Variants in NAGPA observed in about 807,000 individuals in gnomAD.
The protein encoded by NAGPA is alpha-N-acetylglucosaminyl phosphodiesterase.
In NAGPA, 56 loss-of-function variants were observed where a neutral mutation model predicts 48.5. The ratio of observed to expected loss-of-function variants is 1.15; its 90% CI spans 0.93 to 1.44. The LOEUF is 1.44. Ranked by LOEUF, NAGPA falls within the 40% of genes most tolerant of loss-of-function variation. NAGPA has a pLI of 0.00. For missense variants in NAGPA, 888 were observed against 735.0 expected (o/e 1.21, Z -2.41); for synonymous variants, 399 against 315.5 (o/e 1.26, Z -2.81).
rs1955977420 is a variant in NAGPA, at chr16:5,025,398, G to A, written c.*80C>T. The A allele has an allele frequency of 6.5e-7, 1 of 1,540,920 alleles. No homozygotes were observed. The highest frequency in any genetic ancestry group is 1.7e-5 in the Admixed American group (1 of 59,202). On this transcript the variant is annotated 3_prime_UTR_variant, in exon 10 of 10. Transcript: ENST00000312251. ...GGACACCCAGATGGTCCACGCCAGT[G>A]GCCTTGAAATTTCCCCTGCAGAAGC... is the stretch of plus-strand genomic sequence containing the variant.
At position 5,025,392 on chromosome 16, in the gene NAGPA, G is replaced by A. The variant is rs1386050632; in HGVS notation, c.*86C>T. The A allele has an allele frequency of 3.3e-6, 5 of 1,515,010 alleles. No homozygotes were observed. The highest frequency in any genetic ancestry group is 1.4e-5 in the African/African-American group (1 of 72,866). 93.8% of individuals were successfully genotyped at this position (1,515,010 alleles called of 1,614,324 possible). On this transcript the variant is annotated 3_prime_UTR_variant, in exon 10 of 10. Coordinates refer to ENST00000312251, the MANE Select transcript of NAGPA (RefSeq NM_016256.4). The stretch of plus-strand genomic sequence containing the variant: ...GGCTGAGGACACCCAGATGGTCCAC[G>A]CCAGTGGCCTTGAAATTTCCCCTGC...
chr16:5,027,216 C>A lies in NAGPA; in HGVS notation c.1277-18G>T. ...CTGCTTTACTGTAACATACCAGAGA[C>A]AGGCTGAAGGGGCCGGAGCAGGAGC... On this transcript the variant is annotated intron_variant, in intron 8 of 9. Transcript: ENST00000312251. 6.2e-7 allele frequency: 1 copy of A among 1,614,244 alleles called. No homozygotes were observed. Among genetic ancestry groups the A allele is most frequent in the Non-Finnish European group, 8.5e-7 (1 of 1,180,042 alleles).
intron 7 of NAGPA, 33 bp downstream of exon 7, chr16:5,027,813 C>A: frequency 6.4e-7 from 1 of 1,551,924 alleles, no homozygotes; most frequent in Non-Finnish European, 8.7e-7. Context: ...GGGCCACCGT[C>A]TCCCCATCCG....
At chr16:5,030,746 C>A in intron 3 of NAGPA, 1 of 547,548 alleles carries the variant, frequency 1.8e-6, no homozygotes, top group East Asian at 3.2e-5. Context: ...GTTCTTAGAA[C>A]AAAATCCAAA....
At chr16:5,032,968 C>T in intron 2 of NAGPA, 1 of 510,360 alleles carries the variant, frequency 2.0e-6, no homozygotes, top group Non-Finnish European at 3.5e-6. Context: ...ACACAGCAAT[C>T]AGAATGTATG....
chr16:5,033,763 G>C lies in NAGPA; in HGVS notation c.87-35C>G. On this transcript the variant is annotated intron_variant, in intron 1 of 9. Coordinates refer to ENST00000312251, the MANE Select transcript of NAGPA (RefSeq NM_016256.4). This position sits in a 1 kb window ranked among gnomAD's most constrained non-coding sequence, Gnocchi z 4.2. ...CGGGCGGCCGTGAGCTCAGGGGGCT[G>C]TCCTCGTGAGCTCGGAGGACAGGGG... 1 of 1,590,416 alleles carries C rather than the reference G, an allele frequency of 6.3e-7. No individual in the cohort carries two copies. The highest frequency in any genetic ancestry group is 1.1e-5 in the South Asian group (1 of 88,100).
Position 5,032,614 on chromosome 16 carries a change from G to A in NAGPA, c.542+659C>T, listed in dbSNP as rs952890300. ...GAATCGCTTGAACCCGGGAGGCAGA[G>A]GTTGCAGTGAGCCGGTATCATGCCA... On this transcript the variant is annotated intron_variant, in intron 2 of 9. Transcript: ENST00000312251. Among the ~76,000 whole-genome samples the A allele has an allele frequency of 5.3e-5, 8 of 152,160 alleles. No individual in the cohort carries two copies. In the South Asian group the frequency reaches 1.7e-3, roughly 32 times the overall value.
At chr16:5,028,449 G>A (rs547132338) in intron 5 of NAGPA, 4 of 720,854 alleles carry the variant, frequency 5.5e-6, no homozygotes, top group East Asian at 3.0e-5. Flanking sequence ...TGCCCACACT[G>A]GTCTTAAACT....
rs750739860 is a variant in NAGPA at position 5,028,217 on chromosome 16, C to CA, written c.921-33dup. Reference sequence around the variant, plus strand: ...AGGGATGTGATGTGTGAGGAGAGGACACCCCCAGACGGCCCCTCAACTCCC... The same window carrying CA: ...AGGGATGTGATGTGTGAGGAGAGGACAACCCCCAGACGGCCCCTCAACTCCC... On this transcript the variant is annotated intron_variant, in intron 5 of 9. Coordinates refer to ENST00000312251, the MANE Select transcript of NAGPA (RefSeq NM_016256.4). 6 of 1,539,336 alleles carry CA rather than the reference C, an allele frequency of 3.9e-6. No individual in the cohort carries two copies. The South Asian group carries it at 7.2e-5, about 18-fold the overall frequency.
Position 5,033,398 on chromosome 16 carries a change from G to C in NAGPA, c.417C>G (p.Gly139=), listed in dbSNP as rs1160213239. The C allele has an allele frequency of 1.3e-6, 2 of 1,596,488 alleles. No homozygotes were observed. Among genetic ancestry groups the C allele is most frequent in the Non-Finnish European group, 1.7e-6 (2 of 1,179,208 alleles). Residue 139 remains glycine (G), a synonymous_variant, in exon 2 of 10, where the codon GGC becomes GGG. Coordinates refer to ENST00000312251, the MANE Select transcript of NAGPA (RefSeq NM_016256.4). This position sits in a 1 kb window ranked among gnomAD's most constrained non-coding sequence, Gnocchi z 4.2. ...AADCRVAQNG[G]FFRMNSGECL... ...ACTCGCCCGAGTTCATGCGGAAGAA[G>C]CCGCCGTTCTGGGCGACACGGCAGT...
At chr16:5,030,328 A>G (rs1394087811) in intron 4 of NAGPA, 57 bp downstream of exon 4, 18 of 1,476,760 alleles carry the variant, frequency 1.2e-5, no homozygotes, top group Non-Finnish European at 1.7e-5. Flanking sequence ...CATTGGGTCA[A>G]CGTTCCTCCT....
Position 5,033,606 on chromosome 16 carries a change from G to GTCGCGGGAGGCGGAGGCCAACTCTCGTGC in NAGPA, c.180_208dup (p.Thr70SerfsTer35). ...CACGGCCAGACCGCCGGCGCCGGGAGTCGCGGGAGGCGGAGGCCAACTCTC... is the reference window on the plus strand; with the variant it reads ...CACGGCCAGACCGCCGGCGCCGGGAGTCGCGGGAGGCGGAGGCCAACTCTCGTGCTCGCGGGAGGCGGAGGCCAACTCTC... On this transcript the variant is annotated frameshift_variant, in exon 2 of 10. Coordinates refer to ENST00000312251, the MANE Select transcript of NAGPA (RefSeq NM_016256.4). LOFTEE classifies it high-confidence loss of function. The surrounding 1 kb of genome is among the most constrained non-coding windows in gnomAD (Gnocchi z 4.2). 6.7e-7 allele frequency: 1 copy of GTCGCGGGAGGCGGAGGCCAACTCTCGTGC among 1,501,620 alleles called. No individual in the cohort carries two copies. Among genetic ancestry groups the GTCGCGGGAGGCGGAGGCCAACTCTCGTGC allele is most frequent in the Non-Finnish European group, 8.8e-7 (1 of 1,138,036 alleles). 93.0% of individuals were successfully genotyped at this position (1,501,620 alleles called of 1,614,324 possible).
At chr16:5,030,875 C>G (rs1408429675) in intron 3 of NAGPA, among the ~76,000 whole-genome samples, 1 of 152,132 alleles carries the variant, frequency 6.6e-6, no homozygotes, top group Non-Finnish European at 1.5e-5. Flanking sequence ...GTGCTTTTCT[C>G]TAGCTTGCTC....
At chr16:5,031,925 G>A (rs962959174) in intron 2 of NAGPA, 41 bp from the exon 3 acceptor site, 1 of 1,613,296 alleles carries the variant, frequency 6.2e-7, no homozygotes, top group African/African-American at 1.3e-5. Flanking sequence ...ACCAGCAGGG[G>A]CAACTGCAGA....
At chr16:5,027,942 G>C (rs1166045078) in intron 6 of NAGPA, 38 bp downstream of exon 6, 11 of 1,613,538 alleles carry the variant, frequency 6.8e-6, no homozygotes, top group African/African-American at 1.3e-5. Context: ...GGGCAAGGCA[G>C]GGCTGGGCAG....
rs374631385 is a variant in NAGPA, at chr16:5,027,865, G to C, written c.1155C>G (p.Thr385=). ...ETGCRCDAGW[T]GSNCSEECPL... Reference sequence around the variant, plus strand: ...TCCTACCTTCACTGCAGTTGGACCCGGTCCATCCGGCATCACAGCGGCAGC... The same window carrying C: ...TCCTACCTTCACTGCAGTTGGACCCCGTCCATCCGGCATCACAGCGGCAGC... Residue 385 remains threonine (T), a synonymous_variant, in exon 7 of 10, where the codon ACC becomes ACG. Coordinates refer to ENST00000312251, the MANE Select transcript of NAGPA (RefSeq NM_016256.4). 3 of 1,571,950 alleles carry C rather than the reference G, an allele frequency of 1.9e-6. No individual in the cohort carries two copies. Among genetic ancestry groups the C allele is most frequent in the Non-Finnish European group, 2.6e-6 (3 of 1,158,556 alleles).
In NAGPA at chr16:5,033,888, A is replaced by G; in HGVS notation, c.27T>C (p.Leu9=). The change falls in exon 1 of 10, where the codon CTT becomes CTC. Residue 9 remains leucine (L), a synonymous_variant. Coordinates refer to ENST00000312251, the MANE Select transcript of NAGPA (RefSeq NM_016256.4). This position sits in a 1 kb window ranked among gnomAD's most constrained non-coding sequence, Gnocchi z 4.2. ...AGCCGAATAGTGCAAGCCGGAGGAG[A>G]AGCCAGCGACCCGTGGAGGTCGCCA... MATSTGRW[L]LLRLALFGFL... is the part of the protein sequence containing the mutation. The G allele has an allele frequency of 2.6e-6, 4 of 1,549,232 alleles. No individual in the cohort carries two copies. The highest frequency in any genetic ancestry group is 3.5e-6 in the Non-Finnish European group (4 of 1,146,920).
chr16:5,027,757 C>G, intron 7 of NAGPA, 89 bp downstream of exon 7: 2 of 1,525,526 alleles, frequency 1.3e-6, no homozygotes. Flanking sequence ...TTTCCCAGAC[C>G]AGAAGGTGGA....
intron 2 of NAGPA, chr16:5,032,894 G>C (rs1171180073): frequency 3.3e-6 from 1 of 298,924 alleles, no homozygotes. Context: ...GCGTGTTCCA[G>C]ATCACCCTCC....
Sources: allele counts gnomAD v4.1 joint callset (sites outside exome capture counted in the v4.1 genomes callset), GRCh38; gene constraint gnomAD v4.1.1; non-coding constraint Gnocchi (gnomAD v3.1); transcripts MANE v1.5; gene names NCBI Gene and HGNC (gene_info 2026-07-23, HGNC 2026-07-21).